Variants in MAGI2 observed in about 807,000 individuals in gnomAD.
The protein encoded by MAGI2 is membrane-associated guanylate kinase, WW and PDZ domain-containing protein 2.
A neutral mutation model predicts 133.3 loss-of-function variants in MAGI2; 35 were observed. The observed-to-expected ratio is 0.26, with a 90% confidence interval of 0.20 to 0.35. MAGI2 has a LOEUF of 0.35. MAGI2 is among the 10% of genes least tolerant of loss of function. The pLI, the probability that MAGI2 is intolerant of heterozygous loss-of-function variation, is 1.00. For missense variants in MAGI2, 1,636 were observed against 1,863.4 expected (o/e 0.88, Z 2.25); for synonymous variants, 729 against 710.6 (o/e 1.03, Z -0.41).
chr7:78,523,157 T>A (rs1428695823), intron 3 of MAGI2, among the ~76,000 whole-genome samples: 1 of 152,194 alleles, frequency 6.6e-6, no homozygotes, highest in Non-Finnish European at 1.5e-5. Context: ...TAGGCTTGGC[T>A]TTTTTATATA....
Position 79,001,913 on chromosome 7 carries a change from T to C in MAGI2, c.418+5177A>G, listed in dbSNP as rs537204171. On this transcript the variant is annotated intron_variant, in intron 2 of 21. Coordinates refer to ENST00000354212, the MANE Select transcript of MAGI2 (RefSeq NM_012301.4). Reference sequence around the variant, plus strand: ...TGCCTTTTGTGTACTATGAGGGTAATTGAAATCCCATGTGATGGATGTTCT... The same window carrying C: ...TGCCTTTTGTGTACTATGAGGGTAACTGAAATCCCATGTGATGGATGTTCT... Among the ~76,000 whole-genome samples the C allele has an allele frequency of 5.9e-5, 9 of 152,288 alleles. No individual in the cohort carries two copies. The South Asian group carries it at 1.9e-3, about 32-fold the overall frequency.
rs1344034205 is a variant in MAGI2, at chr7:79,077,587, A to AT, written c.302-70382_302-70381insA. ...GAGACTGCCTCTCAAAAAAAAAAAA[A>AT]AAAAAAAATAAATAAATAAATAAAT... is the stretch of plus-strand genomic sequence containing the variant. On this transcript the variant is annotated intron_variant, in intron 1 of 21. Coordinates refer to ENST00000354212, the MANE Select transcript of MAGI2 (RefSeq NM_012301.4). 4.6e-4 allele frequency among the ~76,000 whole-genome samples: 62 copies of AT among 135,408 alleles called. 6 individuals carry two copies. The East Asian group carries it at 4.6e-3, about 10-fold the overall frequency. 88.8% of individuals were successfully genotyped at this position (135,408 alleles called of 152,430 possible). A position where few individuals can be genotyped will look rare whatever the true frequency, so the allele number is the denominator to read the frequency against.
At chr7:78,223,344 A>G (rs1325933112) in intron 10 of MAGI2, among the ~76,000 whole-genome samples, 1 of 152,214 alleles carries the variant, frequency 6.6e-6, no homozygotes, top group South Asian at 2.1e-4. Context: ...GTGCTCTCAC[A>G]TACTTGACCT....
chr7:78,189,132 A>G (rs1193094487), intron 12 of MAGI2, among the ~76,000 whole-genome samples: 1 of 152,196 alleles, frequency 6.6e-6, no homozygotes, highest in African/African-American at 2.4e-5. Context: ...TAGTTTAGAA[A>G]TACAACCACC....
chr7:78,036,810 C>G (rs1429211180), intron 21 of MAGI2, among the ~76,000 whole-genome samples: 1 of 152,102 alleles, frequency 6.6e-6, no homozygotes, highest in Non-Finnish European at 1.5e-5. Flanking sequence ...GAAGGGGTTT[C>G]TCCATGTTGC....
At chr7:79,335,125 T>TG (rs1840347120) in intron 1 of MAGI2, among the ~76,000 whole-genome samples, 1 of 152,126 alleles carries the variant, frequency 6.6e-6, no homozygotes, top group Non-Finnish European at 1.5e-5. Flanking sequence ...ACTTTTACAG[T>TG]GGGGGGAGAT....
chr7:78,497,017 A>C (rs998691005), intron 5 of MAGI2, among the ~76,000 whole-genome samples: 3 of 152,112 alleles, frequency 2.0e-5, no homozygotes, highest in African/African-American at 4.8e-5. Flanking sequence ...TGGAGTAAAA[A>C]CGCTTAACAG....
intron 6 of MAGI2, among the ~76,000 whole-genome samples, chr7:78,459,718 T>A (rs924602016): frequency 1.3e-5 from 2 of 152,226 alleles, no homozygotes; most frequent in Non-Finnish European, 2.9e-5. Flanking sequence ...ATGCAATCAT[T>A]TTAAATCTAA....
At chr7:79,134,737 T>A (rs930458995) in intron 1 of MAGI2, among the ~76,000 whole-genome samples, 14 of 152,192 alleles carry the variant, frequency 9.2e-5, no homozygotes, top group African/African-American at 3.1e-4. Flanking sequence ...AGCAAACAAG[T>A]AGAGAGTATT....
intron 2 of MAGI2, among the ~76,000 whole-genome samples, chr7:78,789,596 T>A (rs1203107662): frequency 1.3e-5 from 2 of 152,194 alleles, no homozygotes; most frequent in Non-Finnish European, 2.9e-5. Context: ...TAGGTATATA[T>A]ATTTATGAGA....
At chr7:78,525,963 C>T (rs1194838531) in intron 3 of MAGI2, among the ~76,000 whole-genome samples, 1 of 152,142 alleles carries the variant, frequency 6.6e-6, no homozygotes, top group African/African-American at 2.4e-5. Flanking sequence ...TATGACGTGA[C>T]TAGATCAGAG....
intron 2 of MAGI2, among the ~76,000 whole-genome samples, chr7:78,700,137 T>G (rs773274307): frequency 5.3e-5 from 8 of 152,180 alleles, no homozygotes; most frequent in Non-Finnish European, 7.4e-5. Context: ...AATAACAGAT[T>G]TATTTTGCTA....
At chr7:79,308,264 C>G (rs1837980067) in intron 1 of MAGI2, among the ~76,000 whole-genome samples, 1 of 152,132 alleles carries the variant, frequency 6.6e-6, no homozygotes, top group Non-Finnish European at 1.5e-5. Flanking sequence ...ACACGTAGCT[C>G]AATATTCCCA....
chr7:78,264,887 GC>G (rs1345605081), intron 9 of MAGI2, among the ~76,000 whole-genome samples: 2 of 152,200 alleles, frequency 1.3e-5, no homozygotes, highest in East Asian at 1.9e-4. Context: ...TAAGTGATAA[GC>G]CTATCGGGGC....
At chr7:79,451,299 G>A (rs1368473586) in intron 1 of MAGI2, among the ~76,000 whole-genome samples, 1 of 152,082 alleles carries the variant, frequency 6.6e-6, no homozygotes, top group Admixed American at 6.5e-5. Context: ...CAAGCATTTG[G>A]CCAACAAAAC....
chr7:79,338,829 C>T (rs769887501), intron 1 of MAGI2, among the ~76,000 whole-genome samples: 1 of 152,056 alleles, frequency 6.6e-6, no homozygotes, highest in Non-Finnish European at 1.5e-5. Context: ...AGAGAGAAGA[C>T]TTCCCTGTCA....
intron 6 of MAGI2, among the ~76,000 whole-genome samples, chr7:78,472,061 T>C (rs1791263113): frequency 6.6e-6 from 1 of 152,218 alleles, no homozygotes; most frequent in Non-Finnish European, 1.5e-5. Context: ...TTACGGACTA[T>C]CTTGGTTTCC....
chr7:79,065,612 G>T (rs564420477), intron 1 of MAGI2, among the ~76,000 whole-genome samples: 1 of 152,138 alleles, frequency 6.6e-6, no homozygotes, highest in South Asian at 2.1e-4. Flanking sequence ...TGCAGAATGT[G>T]CAGGTTTGCT....
At chr7:79,055,669 A>G (rs1431695271) in intron 1 of MAGI2, among the ~76,000 whole-genome samples, 2 of 152,212 alleles carry the variant, frequency 1.3e-5, no homozygotes, top group Admixed American at 6.5e-5. Context: ...AGAAATATGT[A>G]TATTCAAATT....
Sources: allele counts gnomAD v4.1 joint callset (sites outside exome capture counted in the v4.1 genomes callset), GRCh38; gene constraint gnomAD v4.1.1; transcripts MANE v1.5; gene names NCBI Gene and HGNC (gene_info 2026-07-23, HGNC 2026-07-21).